GABRB1: variants seen among roughly 807,000 people sequenced by gnomAD.
GABRB1 encodes the protein gamma-aminobutyric acid receptor subunit beta-1.
GABRB1 carries 17 observed loss-of-function variants against 51.6 expected under a neutral mutation model. That is an observed-to-expected ratio of 0.33 (90% CI 0.23 to 0.49). GABRB1 has a LOEUF of 0.49. Ranked by LOEUF, GABRB1 falls within the 20% of genes least tolerant of loss-of-function variation. The pLI, the probability that GABRB1 is intolerant of heterozygous loss-of-function variation, is 0.99. For missense variants in GABRB1, 410 were observed against 600.6 expected, an observed-to-expected ratio of 0.68 and a Z score of 3.32; for synonymous variants, 247 against 218.9, an observed-to-expected ratio of 1.13 and a Z score of -1.14.
intron 3 of GABRB1, among the ~76,000 whole-genome samples, chr4:47,131,968 A>T (rs1225295995): frequency 6.6e-6 from 1 of 152,158 alleles, no homozygotes; most frequent in Non-Finnish European, 1.5e-5. Context: ...TTGAAATTTA[A>T]TTTGACAATC....
intron 3 of GABRB1, among the ~76,000 whole-genome samples, chr4:47,159,509 AT>A (rs5858056): frequency 0.84 from 124,465 of 148,770 alleles, 51,959 homozygotes; most frequent in African/African-American, 0.9. Context: ...CCTGAGGGTT[AT>A]TTTTTTTTTT....
chr4:46,996,224 G>T (rs1449766739), intron 1 of GABRB1, among the ~76,000 whole-genome samples: 1 of 152,110 alleles, frequency 6.6e-6, no homozygotes, highest in African/African-American at 2.4e-5. Flanking sequence ...TAGCTGTGCA[G>T]AAATAGGAAG....
At chr4:47,325,175 G>A (rs1446832287) in intron 5 of GABRB1, among the ~76,000 whole-genome samples, 3 of 152,238 alleles carry the variant, frequency 2.0e-5, no homozygotes, top group East Asian at 1.9e-4. Context: ...AGTGGCTCAC[G>A]CCTGTAACCC....
At chr4:47,377,937 G>T (rs887486591) in intron 5 of GABRB1, among the ~76,000 whole-genome samples, 1 of 152,208 alleles carries the variant, frequency 6.6e-6, no homozygotes, top group Admixed American at 6.5e-5. Context: ...AGACATAAAG[G>T]TTCTCCACGT....
intron 3 of GABRB1, among the ~76,000 whole-genome samples, chr4:47,089,078 T>C (rs1383679582): frequency 1.3e-5 from 2 of 152,210 alleles, no homozygotes; most frequent in African/African-American, 4.8e-5. Context: ...GCTTTTCCAT[T>C]TGAAGCACAA....
chr4:47,031,109 C>G (rs1349228342), upstream of GABRB1, among the ~76,000 whole-genome samples: 1 of 152,044 alleles, frequency 6.6e-6, no homozygotes, highest in Non-Finnish European at 1.5e-5. Flanking sequence ...GTAACTCTCC[C>G]GTTCCCTCTC....
chr4:47,396,831 T>A (rs1043863335), intron 5 of GABRB1, among the ~76,000 whole-genome samples: 5 of 152,302 alleles, frequency 3.3e-5, no homozygotes, highest in Middle Eastern at 3.4e-3. Context: ...CAGCAAAATA[T>A]GTTATCACTT....
At chr4:47,153,783 A>G (rs916954525) in intron 3 of GABRB1, among the ~76,000 whole-genome samples, 2 of 152,070 alleles carry the variant, frequency 1.3e-5, no homozygotes, top group Non-Finnish European at 2.9e-5. Flanking sequence ...ACACAAGACT[A>G]ACAAAAAGTC....
At position 47,400,546 on chromosome 4, in the gene GABRB1, C is replaced by CTCTCTCTCTCTCTCTCTCTT. The variant is rs10684391; in HGVS notation, c.545-2764_545-2763insTCTCTCTCTCTTTCTCTCTC. 2.8e-3 allele frequency among the ~76,000 whole-genome samples: 415 copies of CTCTCTCTCTCTCTCTCTCTT among 150,852 alleles called. 2 individuals carry two copies. The highest frequency in any genetic ancestry group is 9.1e-3 in the African/African-American group (373 of 40,882). On this transcript the variant is annotated intron_variant, in intron 5 of 8. Coordinates refer to ENST00000295454, the MANE Select transcript of GABRB1 (RefSeq NM_000812.4). ...AGGTAGTCTCTCTCTCTCTCTCTCT[C>CTCTCTCTCTCTCTCTCTCTT]TCTCTCTCAGTGACCCAACCTGCCT...
chr4:47,280,814 A>ATTTTTTTT (rs750413197), intron 4 of GABRB1, among the ~76,000 whole-genome samples: 1 of 124,984 alleles, frequency 8.0e-6, no homozygotes, highest in African/African-American at 3.1e-5. Context: ...TGTCTGGCTA[A>ATTTTTTTT]TTTTTTTTTT....
At chr4:47,368,704 A>G (rs1004995953) in intron 5 of GABRB1, among the ~76,000 whole-genome samples, 1 of 151,842 alleles carries the variant, frequency 6.6e-6, no homozygotes, top group Admixed American at 6.6e-5. Flanking sequence ...ATTGCTTAAG[A>G]CCCTTAGTCT....
intron 3 of GABRB1, among the ~76,000 whole-genome samples, chr4:47,142,280 A>C (rs1272228328): frequency 6.6e-6 from 1 of 151,878 alleles, no homozygotes; most frequent in Non-Finnish European, 1.5e-5. Flanking sequence ...AAAGAGAAAG[A>C]CAAGTATAAA....
intron 4 of GABRB1, among the ~76,000 whole-genome samples, chr4:47,214,712 C>T (rs1720487298): frequency 6.6e-6 from 1 of 152,098 alleles, no homozygotes; most frequent in African/African-American, 2.4e-5. Context: ...TTGATATCAA[C>T]TTCAAGTTCA....
intron 4 of GABRB1, among the ~76,000 whole-genome samples, chr4:47,271,128 T>C (rs1197535602): frequency 5.9e-5 from 9 of 152,210 alleles, no homozygotes; most frequent in Non-Finnish European, 2.9e-5. Flanking sequence ...ATATAGAAAA[T>C]GCAGGAAAAT....
At chr4:47,303,276 A>C (rs1724328666) in intron 4 of GABRB1, among the ~76,000 whole-genome samples, 1 of 151,936 alleles carries the variant, frequency 6.6e-6, no homozygotes, top group South Asian at 2.1e-4. Flanking sequence ...GGAAATAAAC[A>C]TGAATAAATT....
chr4:47,075,864 C>G (rs1727524724), intron 3 of GABRB1, among the ~76,000 whole-genome samples: 1 of 152,034 alleles, frequency 6.6e-6, no homozygotes, highest in Non-Finnish European at 1.5e-5. Flanking sequence ...TCAAAAAATG[C>G]AGGAGTCATG....
At position 47,168,971 on chromosome 4, in the gene GABRB1, T is replaced by C. The variant is rs182455900; in HGVS notation, c.461+7502T>C. On this transcript the variant is annotated intron_variant, in intron 4 of 8. Coordinates refer to ENST00000295454, the MANE Select transcript of GABRB1 (RefSeq NM_000812.4). The stretch of plus-strand genomic sequence containing the variant: ...TATTTGTACTTAAATGTCCCCCTTT[T>C]GTAAGGACACCAGCCATCACCAGTC... 1.6e-3 allele frequency among the ~76,000 whole-genome samples: 250 copies of C among 152,190 alleles called. 1 individual carries two copies. Among genetic ancestry groups the C allele is most frequent in the African/African-American group, 5.9e-3 (244 of 41,544 alleles).
intron 3 of GABRB1, among the ~76,000 whole-genome samples, chr4:47,149,593 G>T (rs531490941): frequency 1.3e-5 from 2 of 152,036 alleles, no homozygotes; most frequent in African/African-American, 4.8e-5. Flanking sequence ...TTAGTTGATA[G>T]CTCAGTTTGT....
intron 3 of GABRB1, among the ~76,000 whole-genome samples, chr4:47,060,739 G>A (rs756574805): frequency 6.6e-6 from 1 of 152,172 alleles, no homozygotes; most frequent in Middle Eastern, 3.4e-3. Flanking sequence ...CAGCAGCCTC[G>A]ATTAATTTCC....
Sources: gnomAD v4.1 joint callset for allele counts (sites outside exome capture counted in the v4.1 genomes callset) on GRCh38, gnomAD v4.1.1 for gene constraint, MANE v1.5 for transcripts, NCBI Gene and HGNC (gene_info 2026-07-23, HGNC 2026-07-21) for gene names.